IMMP2L: variants seen among roughly 807,000 people sequenced by gnomAD.
The protein encoded by IMMP2L is inner mitochondrial membrane peptidase subunit 2.
In IMMP2L, 18 loss-of-function variants were observed where a neutral mutation model predicts 19.3. The ratio of observed to expected loss-of-function variants is 0.93; its 90% CI spans 0.64 to 1.38. IMMP2L has a LOEUF of 1.38. Among genes scored for constraint, IMMP2L ranks in the 40% most tolerant of loss-of-function variants. The pLI is 0.00. For missense variants in IMMP2L, 233 were observed against 218.2 expected (o/e 1.07, Z -0.43); for synonymous variants, 76 against 73.0 (o/e 1.04, Z -0.21).
intron 4 of IMMP2L, among the ~76,000 whole-genome samples, chr7:110,889,333 T>C (rs749112094): frequency 4.6e-5 from 7 of 152,284 alleles, no homozygotes; most frequent in Non-Finnish European, 1.0e-4. Flanking sequence ...AGTCCTGAGC[T>C]TGTTTTCCTG....
chr7:111,021,963 A>C (rs1826328237), intron 3 of IMMP2L, among the ~76,000 whole-genome samples: 2 of 152,160 alleles, frequency 1.3e-5, no homozygotes, highest in Middle Eastern at 3.4e-3. Flanking sequence ...TGATTCAATT[A>C]CCTCCCACTG....
At position 111,211,820 on chromosome 7, in the gene IMMP2L, C is replaced by T. The variant is rs374405407; in HGVS notation, c.240-248255G>A. Reference sequence around the variant, plus strand: ...CATCCTGGCTAACACGGTGAAACCCCGTCTCTACTAAAAAAATACCAAAAA... The same window carrying T: ...CATCCTGGCTAACACGGTGAAACCCTGTCTCTACTAAAAAAATACCAAAAA... On this transcript the variant is annotated intron_variant, in intron 3 of 5. Coordinates refer to ENST00000405709, the MANE Select transcript of IMMP2L (RefSeq NM_032549.4). Among the ~76,000 whole-genome samples, 4 of 152,000 alleles carry T rather than the reference C, an allele frequency of 2.6e-5. No homozygotes were observed. The East Asian group carries it at 5.9e-4, about 22-fold the overall frequency.
chr7:110,885,186 T>A (rs1341790750), intron 5 of IMMP2L, among the ~76,000 whole-genome samples: 1 of 151,966 alleles, frequency 6.6e-6, no homozygotes, highest in Non-Finnish European at 1.5e-5. Context: ...ATTTTTTTTT[T>A]ATTTCGGAGT....
At chr7:110,985,459 T>C (rs1367846545) in intron 3 of IMMP2L, among the ~76,000 whole-genome samples, 1 of 152,150 alleles carries the variant, frequency 6.6e-6, no homozygotes, top group African/African-American at 2.4e-5. Context: ...TGAAAAGTTC[T>C]TAAAAAATAG....
chr7:111,088,406 G>A (rs1796539701), intron 3 of IMMP2L, among the ~76,000 whole-genome samples: 1 of 152,028 alleles, frequency 6.6e-6, no homozygotes, highest in African/African-American at 2.4e-5. Context: ...GGTTTACAAT[G>A]TGAAATTTCT....
At chr7:111,158,958 T>C (rs1586622677) in intron 3 of IMMP2L, among the ~76,000 whole-genome samples, 2 of 152,276 alleles carry the variant, frequency 1.3e-5, no homozygotes, top group East Asian at 3.9e-4. Flanking sequence ...TTTATAAGCA[T>C]ATGCTTAATA....
At chr7:111,457,969 G>A (rs1002755688) in intron 3 of IMMP2L, among the ~76,000 whole-genome samples, 1 of 148,774 alleles carries the variant, frequency 6.7e-6, no homozygotes, top group African/African-American at 2.5e-5. Flanking sequence ...ACAAATGTTC[G>A]AGTGCATTTT....
intron 4 of IMMP2L, among the ~76,000 whole-genome samples, chr7:110,930,160 C>T (rs1035578180): frequency 6.6e-6 from 1 of 152,132 alleles, no homozygotes; most frequent in Non-Finnish European, 1.5e-5. Flanking sequence ...AACAATGAAA[C>T]TTCATTATTC....
intron 3 of IMMP2L, among the ~76,000 whole-genome samples, chr7:111,268,993 T>G (rs1345769331): frequency 6.6e-6 from 1 of 152,048 alleles, no homozygotes; most frequent in African/African-American, 2.4e-5. Flanking sequence ...ACTTCTAAAG[T>G]AGGTGGAGCA....
intron 5 of IMMP2L, among the ~76,000 whole-genome samples, chr7:110,883,990 ATATT>A (rs1452478836): frequency 2.6e-5 from 4 of 152,084 alleles, no homozygotes; most frequent in African/African-American, 9.6e-5. Flanking sequence ...ACTAAAATTA[ATATT>A]TATAATAAAT....
intron 3 of IMMP2L, among the ~76,000 whole-genome samples, chr7:111,277,634 T>C (rs1819240309): frequency 1.3e-5 from 2 of 150,866 alleles, no homozygotes; most frequent in African/African-American, 4.9e-5. Context: ...AGGGAACGCT[T>C]GTAGGAATTT....
chr7:111,026,925 G>A (rs932475346), intron 3 of IMMP2L, among the ~76,000 whole-genome samples: 10 of 152,090 alleles, frequency 6.6e-5, no homozygotes, highest in Middle Eastern at 3.4e-3. Context: ...TGAGCTACCT[G>A]GGGCCTTACA....
chr7:111,011,869 G>A (rs1470671006), intron 3 of IMMP2L, among the ~76,000 whole-genome samples: 1 of 152,132 alleles, frequency 6.6e-6, no homozygotes, highest in Non-Finnish European at 1.5e-5. Flanking sequence ...TATGGCTCTG[G>A]TAGGAGAGCG....
chr7:111,268,477 G>A (rs1584367750), intron 3 of IMMP2L, among the ~76,000 whole-genome samples: 1 of 96,916 alleles, frequency 1.0e-5, no homozygotes, highest in South Asian at 3.3e-4. Context: ...TGTTTTTGTC[G>A]TTTATCTAAT....
intron 5 of IMMP2L, among the ~76,000 whole-genome samples, chr7:110,668,555 C>A (rs1171592128): frequency 6.6e-6 from 1 of 152,178 alleles, no homozygotes; most frequent in Non-Finnish European, 1.5e-5. Flanking sequence ...GCTTGCTTAG[C>A]TTTGGACTCA....
intron 3 of IMMP2L, among the ~76,000 whole-genome samples, chr7:111,137,831 GT>G (rs1802492651): frequency 6.6e-6 from 1 of 152,024 alleles, no homozygotes. Flanking sequence ...TTTGGTTTTG[GT>G]TTTTTGTTTT....
At chr7:111,559,723 T>C (rs1336585171) in intron 1 of IMMP2L, among the ~76,000 whole-genome samples, 2 of 152,084 alleles carry the variant, frequency 1.3e-5, no homozygotes, top group Admixed American at 6.6e-5. Flanking sequence ...GAGGGAAATT[T>C]AAAAGTAAGT....
At chr7:110,786,511 C>T (rs1800090331) in intron 5 of IMMP2L, among the ~76,000 whole-genome samples, 1 of 151,896 alleles carries the variant, frequency 6.6e-6, no homozygotes, top group African/African-American at 2.4e-5. Context: ...TAGGGGGCCT[C>T]CTGTAGGAGA....
chr7:111,476,852 C>A (rs568313682), intron 3 of IMMP2L, among the ~76,000 whole-genome samples: 1 of 152,248 alleles, frequency 6.6e-6, no homozygotes, highest in South Asian at 2.1e-4. Flanking sequence ...ACTACTTCTG[C>A]CTCTGTTTCT....
Sources: gnomAD v4.1 joint callset for allele counts (sites outside exome capture counted in the v4.1 genomes callset) on GRCh38, gnomAD v4.1.1 for gene constraint, MANE v1.5 for transcripts, NCBI Gene and HGNC (gene_info 2026-07-23, HGNC 2026-07-21) for gene names.